GABBR2: variants seen among roughly 807,000 people sequenced by gnomAD.
GABBR2 encodes the protein gamma-aminobutyric acid type B receptor subunit 2.
In GABBR2, 23 loss-of-function variants were observed where a neutral mutation model predicts 105.6. The ratio of observed to expected loss-of-function variants is 0.22; its 90% CI spans 0.16 to 0.31. The LOEUF (loss-of-function observed/expected upper bound fraction) is 0.31, where lower values mean the gene tolerates loss of function less well. Among genes scored for constraint, GABBR2 ranks in the 10% least tolerant of loss-of-function variants. The pLI is 1.00. For missense variants in GABBR2, 734 were observed against 1,245.5 expected (o/e 0.59, Z 6.18); for synonymous variants, 478 against 499.7 (o/e 0.96, Z 0.58).
intron 13 of GABBR2, among the ~76,000 whole-genome samples, chr9:98,348,722 A>G (rs1400004585): frequency 6.6e-6 from 1 of 152,102 alleles, no homozygotes; most frequent in African/African-American, 2.4e-5. Flanking sequence ...TTTTTCAGCT[A>G]ATTTGTTATT....
At chr9:98,380,424 T>G (rs1176879225) in intron 11 of GABBR2, among the ~76,000 whole-genome samples, 1 of 152,104 alleles carries the variant, frequency 6.6e-6, no homozygotes, top group African/African-American at 2.4e-5. Context: ...AGGCAAGTGC[T>G]TTTTCTCATC....
At chr9:98,648,397 T>C (rs1284918404) in intron 1 of GABBR2, among the ~76,000 whole-genome samples, 1 of 152,016 alleles carries the variant, frequency 6.6e-6, no homozygotes, top group Non-Finnish European at 1.5e-5. Context: ...CCTCCCAAAG[T>C]GCTGGGATTA....
chr9:98,436,385 AT>A (rs1378555341), intron 7 of GABBR2, among the ~76,000 whole-genome samples: 3 of 49,782 alleles, frequency 6.0e-5, no homozygotes, highest in African/African-American at 1.9e-4. Context: ...ATATATATAT[AT>A]ATATATATAT....
chr9:98,657,013 T>A (rs1830193174), intron 1 of GABBR2, among the ~76,000 whole-genome samples: 1 of 152,258 alleles, frequency 6.6e-6, no homozygotes, highest in Non-Finnish European at 1.5e-5. Context: ...CATACAGTGC[T>A]ACTTTTTAAA....
At chr9:98,302,483 G>C (rs868114806) in intron 16 of GABBR2, among the ~76,000 whole-genome samples, 26 of 152,324 alleles carry the variant, frequency 1.7e-4, no homozygotes, top group Non-Finnish European at 2.6e-4. Context: ...AGGTAAAAGG[G>C]AAATAAACAT....
Position 98,362,698 on chromosome 9 carries a change from C to G in GABBR2, c.1893+17G>C. On this transcript the variant is annotated intron_variant, in intron 13 of 18. Transcript: ENST00000259455. ...CTGCATCTGCAGGCTTCCCTCCTGC[C>G]GGCATGGAGGGCTTACCTCCATGCT... 2 of 1,502,592 alleles carry G rather than the reference C, an allele frequency of 1.3e-6. No individual in the cohort carries two copies. Among genetic ancestry groups the G allele is most frequent in the Non-Finnish European group, 8.9e-7 (1 of 1,127,104 alleles). 93.1% of individuals were successfully genotyped at this position (1,502,592 alleles called of 1,614,324 possible).
intron 1 of GABBR2, among the ~76,000 whole-genome samples, chr9:98,667,740 G>A (rs1057434942): frequency 5.9e-5 from 9 of 152,166 alleles, no homozygotes; most frequent in African/African-American, 1.9e-4. Context: ...GCTCCTGCAC[G>A]CACATCTGTT....
intron 7 of GABBR2, among the ~76,000 whole-genome samples, chr9:98,410,588 C>T (rs1045272617): frequency 6.6e-5 from 10 of 150,404 alleles, no homozygotes; most frequent in Admixed American, 1.3e-4. Context: ...TGGGGCCCAG[C>T]AGCTTCTGAT....
rs563076255 is a variant in GABBR2, at chr9:98,321,731, G to C, written c.1894-10526C>G. ...ACATGGCATGGTACAGTAAGATCCT[G>C]ACAGCTGTCAATTAAACCCGGAGAA... On this transcript the variant is annotated intron_variant, in intron 13 of 18. Coordinates refer to ENST00000259455, the MANE Select transcript of GABBR2 (RefSeq NM_005458.8). Among the ~76,000 whole-genome samples, 3 of 152,314 alleles carry C rather than the reference G, an allele frequency of 2.0e-5. 1 individual carries two copies. The South Asian group carries it at 6.2e-4, about 32-fold the overall frequency.
chr9:98,617,948 A>G (rs971171611), intron 1 of GABBR2, among the ~76,000 whole-genome samples: 1 of 152,124 alleles, frequency 6.6e-6, no homozygotes, highest in Non-Finnish European at 1.5e-5. Context: ...CCGTTTCCTC[A>G]TCTATTAAAA....
At chr9:98,585,301 C>G (rs1041588824) in intron 1 of GABBR2, among the ~76,000 whole-genome samples, 2 of 151,842 alleles carry the variant, frequency 1.3e-5, no homozygotes, top group Non-Finnish European at 2.9e-5. Context: ...CCATGGAATA[C>G]TATGCAGCCA....
At chr9:98,566,315 T>C (rs997020244) in intron 2 of GABBR2, among the ~76,000 whole-genome samples, 2 of 152,132 alleles carry the variant, frequency 1.3e-5, no homozygotes, top group African/African-American at 4.8e-5. Context: ...AAAAAGCCCA[T>C]TTTTAGTCAA....
At chr9:98,451,338 T>G (rs1382535013) in intron 7 of GABBR2, among the ~76,000 whole-genome samples, 1 of 152,210 alleles carries the variant, frequency 6.6e-6, no homozygotes, top group African/African-American at 2.4e-5. Flanking sequence ...TAAAAATAAT[T>G]CTTTAAGCTA....
rs77992165 is a variant in GABBR2 at position 98,313,428 on chromosome 9, C to T, written c.1894-2223G>A. On this transcript the variant is annotated intron_variant, in intron 13 of 18. Coordinates refer to ENST00000259455, the MANE Select transcript of GABBR2 (RefSeq NM_005458.8). ...CTGTCTAGATAAGATCCAACACTGC[C>T]GAGTTCTTGCTTGCCTTCCCCATTC... 2.8e-4 allele frequency among the ~76,000 whole-genome samples: 43 copies of T among 152,282 alleles called. No homozygotes were observed. The East Asian group carries it at 7.7e-3, about 27-fold the overall frequency.
chr9:98,581,450 T>A (rs1829002127), intron 1 of GABBR2, among the ~76,000 whole-genome samples: 1 of 145,638 alleles, frequency 6.9e-6, no homozygotes, highest in Non-Finnish European at 1.5e-5. Context: ...CAAGTTAATT[T>A]ATTTCCCCAA....
intron 12 of GABBR2, among the ~76,000 whole-genome samples, chr9:98,364,436 T>C (rs16915236): frequency 0.02 from 3,118 of 152,266 alleles, 45 homozygotes; most frequent in African/African-American, 0.031. Context: ...CCTACCCTGA[T>C]TTCAAGATTG....
rs569584994 is a variant in GABBR2, at chr9:98,679,780, A to G, written c.321+28637T>C. Among the ~76,000 whole-genome samples, 10 of 152,312 alleles carry G rather than the reference A, an allele frequency of 6.6e-5. No individual in the cohort carries two copies. In the South Asian group the frequency reaches 2.1e-3, roughly 32 times the overall value. On this transcript the variant is annotated intron_variant, in intron 1 of 18. Transcript: ENST00000259455. ...GGTGCCCTCTGTATACCAAGGGGAA[A>G]GGAACATCCTTATCTCTGAAGACAC... is the stretch of plus-strand genomic sequence containing the variant.
chr9:98,516,410 C>G (rs1827757674), intron 3 of GABBR2: 1 of 152,346 alleles, frequency 6.6e-6, no homozygotes, highest in African/African-American at 2.4e-5. Flanking sequence ...CTCACCAGCC[C>G]TCATTGGACA....
intron 11 of GABBR2, among the ~76,000 whole-genome samples, 178 bp downstream of exon 11, chr9:98,385,462 A>G (rs1832055669): frequency 6.6e-6 from 1 of 152,128 alleles, no homozygotes; most frequent in Non-Finnish European, 1.5e-5. Flanking sequence ...ATTTATACCC[A>G]GTGATGGCCT....
Sources: gnomAD v4.1 joint callset for allele counts (sites outside exome capture counted in the v4.1 genomes callset) on GRCh38, gnomAD v4.1.1 for gene constraint, MANE v1.5 for transcripts, NCBI Gene and HGNC (gene_info 2026-07-23, HGNC 2026-07-21) for gene names.